TMC1: variants seen among roughly 807,000 people sequenced by gnomAD.
The protein encoded by TMC1 is transmembrane channel like 1, also known as transmembrane channel-like protein 1.
A neutral mutation model predicts 105.8 loss-of-function variants in TMC1; 84 were observed. The observed-to-expected ratio is 0.79, with a 90% CI of 0.67 to 0.95. TMC1 has a LOEUF of 0.95. TMC1 is among the 40% of genes least tolerant of loss of function. The pLI is 0.00. For synonymous variants in TMC1, 315 were observed against 311.5 expected (o/e 1.01, Z -0.12); for missense variants, 817 against 914.1 (o/e 0.89, Z 1.37).
At chr9:72,627,046 T>G (rs7032424) in intron 3 of TMC1, among the ~76,000 whole-genome samples, 34,780 of 149,182 alleles carry the variant, frequency 0.23, 4,208 homozygotes, top group East Asian at 0.38. Context: ...TTTTTTTTTT[T>G]GGGTCTGTCA....
chr9:72,717,726 T>C (rs972019947), intron 8 of TMC1, among the ~76,000 whole-genome samples: 1 of 152,170 alleles, frequency 6.6e-6, no homozygotes, highest in Non-Finnish European at 1.5e-5. Context: ...GCTCTTAAGA[T>C]TTTTCCCTCT....
chr9:72,559,941 A>G (rs552139809), intron 1 of TMC1, among the ~76,000 whole-genome samples: 2 of 152,338 alleles, frequency 1.3e-5, no homozygotes, highest in African/African-American at 4.8e-5. Context: ...TTAGGAGGAA[A>G]CTGTTATTTT....
At chr9:72,724,951 A>T (rs1827089069) in intron 8 of TMC1, among the ~76,000 whole-genome samples, 2 of 152,176 alleles carry the variant, frequency 1.3e-5, no homozygotes, top group South Asian at 4.1e-4. Context: ...GACATAATAC[A>T]TTAACACTAA....
chr9:72,833,836 A>G (rs1336027994), intron 23 of TMC1, among the ~76,000 whole-genome samples: 3 of 152,078 alleles, frequency 2.0e-5, no homozygotes, highest in Non-Finnish European at 4.4e-5. Context: ...AGCAACTTGT[A>G]TTTTTGATTA....
intron 12 of TMC1, among the ~76,000 whole-genome samples, chr9:72,769,725 C>T (rs140145128): frequency 2.6e-5 from 4 of 152,264 alleles, no homozygotes; most frequent in Admixed American, 1.3e-4. Flanking sequence ...TAAATGTTCA[C>T]GAAATGTATA....
At chr9:72,750,504 CT>C (rs1479872020) in intron 10 of TMC1, among the ~76,000 whole-genome samples, 4 of 151,892 alleles carry the variant, frequency 2.6e-5, no homozygotes, top group Non-Finnish European at 5.9e-5. Flanking sequence ...GACTTAACCT[CT>C]TCATTTTTCT....
intron 8 of TMC1, among the ~76,000 whole-genome samples, chr9:72,721,564 G>T (rs775364187): frequency 5.9e-5 from 9 of 151,976 alleles, no homozygotes; most frequent in African/African-American, 1.2e-4. Context: ...AACTTACGAG[G>T]GTTCAGAAAA....
intron 1 of TMC1, among the ~76,000 whole-genome samples, chr9:72,556,939 G>A (rs1197553092): frequency 6.6e-6 from 1 of 152,188 alleles, no homozygotes; most frequent in Non-Finnish European, 1.5e-5. Context: ...CTGGGGTTGG[G>A]GAGTGAAGTG....
chr9:72,795,095 G>A (rs1321018118), intron 17 of TMC1, among the ~76,000 whole-genome samples: 1 of 152,118 alleles, frequency 6.6e-6, no homozygotes, highest in African/African-American at 2.4e-5. Flanking sequence ...AGAATAAAAC[G>A]GGAAGAACAA....
At chr9:72,609,179 C>CCCTTCCTTCCTTCCTTCCTTCCTT (rs60808924) in intron 2 of TMC1, among the ~76,000 whole-genome samples, 147 of 136,158 alleles carry the variant, frequency 1.1e-3, no homozygotes, top group Middle Eastern at 3.8e-3. Flanking sequence ...CTTCCTCCTT[C>CCCTTCCTTCCTTCCTTCCTTCCTT]CCTTCCTTCC....
At chr9:72,574,785 C>T (rs1488353112) in intron 1 of TMC1, among the ~76,000 whole-genome samples, 2 of 152,206 alleles carry the variant, frequency 1.3e-5, no homozygotes, top group East Asian at 3.9e-4. Flanking sequence ...GAGAAGTATT[C>T]TCTGACCATA....
intron 12 of TMC1, among the ~76,000 whole-genome samples, chr9:72,765,484 G>A (rs1827815148): frequency 1.3e-5 from 2 of 151,622 alleles, no homozygotes; most frequent in South Asian, 4.2e-4. Context: ...TCTAGAATGG[G>A]GCAGGCAATT....
chr9:72,712,455 T>G (rs1291866274), intron 8 of TMC1, among the ~76,000 whole-genome samples: 1 of 152,192 alleles, frequency 6.6e-6, no homozygotes, highest in Admixed American at 6.5e-5. Context: ...AGCAGTGGTT[T>G]GTAGTTCTCC....
intron 12 of TMC1, among the ~76,000 whole-genome samples, chr9:72,770,403 A>C (rs1316418879): frequency 9.7e-5 from 14 of 144,340 alleles, no homozygotes; most frequent in Admixed American, 5.6e-4. Context: ...ATATATATGC[A>C]TATAAAATTT....
intron 10 of TMC1, among the ~76,000 whole-genome samples, chr9:72,747,546 A>C (rs1827509293): frequency 6.6e-6 from 1 of 152,206 alleles, no homozygotes; most frequent in Admixed American, 6.5e-5. Context: ...ATAAAGCCTC[A>C]GTTTAATACG....
intron 17 of TMC1, among the ~76,000 whole-genome samples, chr9:72,802,575 C>T (rs530286996): frequency 5.9e-5 from 9 of 152,232 alleles, no homozygotes; most frequent in Admixed American, 5.9e-4. Context: ...ACAATTTGCT[C>T]CTGAACGACT....
At chr9:72,803,877 A>C (rs1332080889) in intron 17 of TMC1, among the ~76,000 whole-genome samples, 1 of 152,244 alleles carries the variant, frequency 6.6e-6, no homozygotes, top group Non-Finnish European at 1.5e-5. Flanking sequence ...CAATCCCATT[A>C]CTGGGTACAT....
chr9:72,651,069 A>G (rs908141369), intron 5 of TMC1: 1 of 147,186 alleles, frequency 6.8e-6, no homozygotes, highest in Non-Finnish European at 1.5e-5. Flanking sequence ...TTATATATAT[A>G]TATCTATATA....
chr9:72,589,141 G>T (rs936073528), intron 2 of TMC1, among the ~76,000 whole-genome samples: 64 of 152,116 alleles, frequency 4.2e-4, no homozygotes, highest in African/African-American at 1.4e-3. Context: ...ATGCATCAAG[G>T]CACAGAAACA....
Sources: allele counts gnomAD v4.1 joint callset (sites outside exome capture counted in the v4.1 genomes callset), GRCh38; gene constraint gnomAD v4.1.1; transcripts MANE v1.5; gene names NCBI Gene and HGNC (gene_info 2026-07-23, HGNC 2026-07-21).